The following CASS4 variants were observed in gnomAD, a reference collection of about 807,000 sequenced individuals.
CASS4 encodes cas scaffolding protein family member 4.
In CASS4, 22 loss-of-function variants were observed where a neutral mutation model predicts 54.2. The observed-to-expected ratio is 0.41, with a 90% confidence interval of 0.29 to 0.58. The LOEUF (loss-of-function observed/expected upper bound fraction) is 0.58, where lower values mean the gene tolerates loss of function less well. Among genes scored for constraint, CASS4 ranks in the 20% least tolerant of loss-of-function variants. CASS4 has a pLI of 0.36. For missense variants in CASS4, 854 were observed against 986.7 expected (o/e 0.87, Z 1.80); for synonymous variants, 409 against 391.5 (o/e 1.04, Z -0.53).
In CASS4 at chr20:56,459,001, G is replaced by C. The variant is rs1458836884; in HGVS notation, c.*254G>C. 2.5e-5 allele frequency: 11 copies of C among 444,574 alleles called. No individual in the cohort carries two copies. The highest frequency in any genetic ancestry group is 4.0e-5 in the Non-Finnish European group (10 of 249,600). The allele number at this position is 444,574 out of a possible 1,614,324, so 27.5% of individuals were successfully genotyped here. A position where few individuals can be genotyped will look rare whatever the true frequency, so the allele number is the denominator to read the frequency against. ...AGCATATATGGAGTATGCAGTATCA[G>C]CTTGAAGTGACTTCGCAGAAATAAT... On this transcript the variant is annotated 3_prime_UTR_variant, in exon 6 of 6. Coordinates refer to ENST00000679887, the MANE Select transcript of CASS4 (RefSeq NM_020356.4).
chr20:56,412,535 G>A lies in CASS4; in HGVS notation c.36+41G>A, dbSNP rs1228059457. ...CTGTTTGAATGGGCTCTGGCGGGGA[G>A]CAAGCTGTGATGATTAAGGGTGTTG... On this transcript the variant is annotated intron_variant, in intron 1 of 5. Coordinates refer to ENST00000679887, the MANE Select transcript of CASS4 (RefSeq NM_020356.4). This position sits in a 1 kb window ranked among gnomAD's most constrained non-coding sequence, Gnocchi z 4.2. 2 of 1,600,326 alleles carry A rather than the reference G, an allele frequency of 1.2e-6. No individual in the cohort carries two copies. Among genetic ancestry groups the A allele is most frequent in the East Asian group, 2.3e-5 (1 of 44,362 alleles).
intron 1 of CASS4, among the ~76,000 whole-genome samples, chr20:56,420,630 A>T (rs555590792): frequency 3.3e-5 from 5 of 151,568 alleles, no homozygotes; most frequent in Non-Finnish European, 7.4e-5. Flanking sequence ...CCTGACCTCA[A>T]GCAGTCCTCC....
At chr20:56,418,888 A>G (rs951415668) in intron 1 of CASS4, among the ~76,000 whole-genome samples, 1 of 152,164 alleles carries the variant, frequency 6.6e-6, no homozygotes, top group Non-Finnish European at 1.5e-5. Context: ...CCCTTTCTCC[A>G]TATGTAGTAA....
Position 56,431,640 on chromosome 20 carries a change from A to G in CASS4, c.37-5524A>G, listed in dbSNP as rs541990630. On this transcript the variant is annotated intron_variant, in intron 1 of 5. Coordinates refer to ENST00000679887, the MANE Select transcript of CASS4 (RefSeq NM_020356.4). ...CTGTGAGTGCCCAGTGGGGTGGATG[A>G]TCATAAAAACCCCATTGTTCTCTGG... is the stretch of plus-strand genomic sequence containing the variant. Among the ~76,000 whole-genome samples the G allele has an allele frequency of 9.8e-5, 15 of 152,324 alleles. No individual in the cohort carries two copies. The East Asian group carries it at 2.9e-3, about 29-fold the overall frequency.
At chr20:56,455,600 T>C (rs1485112492) in intron 5 of CASS4, among the ~76,000 whole-genome samples, 1 of 152,214 alleles carries the variant, frequency 6.6e-6, no homozygotes, top group Non-Finnish European at 1.5e-5. Flanking sequence ...GTTCTCACAT[T>C]TGAGTGTATC....
chr20:56,452,125 C>G lies in CASS4; in HGVS notation c.949C>G (p.Pro317Ala), dbSNP rs1447994663. 1.1e-5 allele frequency: 17 copies of G among 1,614,134 alleles called. No homozygotes were observed. Among genetic ancestry groups the G allele is most frequent in the Non-Finnish European group, 1.4e-5 (17 of 1,180,024 alleles). ...PEIPSYGFLV[P>A]RGTFPLDEDV... ...AATTCCTTCTTATGGCTTTCTTGTA[C>G]CCAGAGGCACATTTCCTTTGGATGA... Residue 317 changes from proline to alanine, a missense_variant, in exon 5 of 6, where the codon CCC becomes GCC. Coordinates refer to ENST00000679887, the MANE Select transcript of CASS4 (RefSeq NM_020356.4).
chr20:56,423,388 G>A (rs1056207437), intron 1 of CASS4, among the ~76,000 whole-genome samples: 2 of 152,096 alleles, frequency 1.3e-5, no homozygotes, highest in African/African-American at 2.4e-5. Flanking sequence ...TAAGGAAGTA[G>A]GTAATGATGG....
At chr20:56,447,582 C>A (rs528095779) in intron 3 of CASS4, among the ~76,000 whole-genome samples, 10 of 152,228 alleles carry the variant, frequency 6.6e-5, no homozygotes, top group African/African-American at 1.7e-4. Context: ...AAGTGCCCCC[C>A]ACCTCCTACC....
At chr20:56,434,856 C>T (rs1308415480) in intron 1 of CASS4, among the ~76,000 whole-genome samples, 1 of 152,114 alleles carries the variant, frequency 6.6e-6, no homozygotes, top group Non-Finnish European at 1.5e-5. Flanking sequence ...ATGTGAACAA[C>T]TATGCAAAAG....
At chr20:56,442,058 G>A (rs993317644) in intron 2 of CASS4, among the ~76,000 whole-genome samples, 1 of 151,944 alleles carries the variant, frequency 6.6e-6, no homozygotes, top group Non-Finnish European at 1.5e-5. Context: ...GCAACTCTGA[G>A]CCACGGGTTT....
intron 1 of CASS4, among the ~76,000 whole-genome samples, chr20:56,421,135 G>A (rs2426626): frequency 3.3e-5 from 5 of 152,176 alleles, no homozygotes; most frequent in Non-Finnish European, 7.3e-5. Flanking sequence ...GAATTCTTCC[G>A]GGTCAATCAA....
Position 56,437,352 on chromosome 20 carries a change from T to G in CASS4, c.225T>G (p.Ala75=). ...ANRLQILTEV[A]ADRPCPPFLR... ...GCCTCCAAATCCTCACGGAGGTCGCTGCAGACAGGCCGTGCCCCCCATTCC... is the reference window on the plus strand; with the variant it reads ...GCCTCCAAATCCTCACGGAGGTCGCGGCAGACAGGCCGTGCCCCCCATTCC... Residue 75 remains alanine (A), a synonymous_variant, in exon 2 of 6, where the codon GCT becomes GCG. Transcript: ENST00000679887. The surrounding 1 kb of genome is among the most constrained non-coding windows in gnomAD (Gnocchi z 4.7). 6.2e-7 allele frequency: 1 copy of G among 1,614,008 alleles called. No homozygotes were observed. Among genetic ancestry groups the G allele is most frequent in the East Asian group, 2.2e-5 (1 of 44,884 alleles).
Position 56,459,485 on chromosome 20 carries a change from AT to A in CASS4, c.*740del. 2 of 272,472 alleles carry A rather than the reference AT, an allele frequency of 7.3e-6. No individual in the cohort carries two copies. Among genetic ancestry groups the A allele is most frequent in the South Asian group, 9.9e-5 (2 of 20,204 alleles). 16.9% of individuals were successfully genotyped at this position (272,472 alleles called of 1,614,324 possible). On this transcript the variant is annotated 3_prime_UTR_variant, in exon 6 of 6. Transcript: ENST00000679887. ...TCCTTTTGGAGTTGTACCTGATTTT[AT>A]TACCAGTTTTCATCTGAATCCACTG...
chr20:56,455,787 TGGGCATGATAGC>T (rs1279413934), intron 5 of CASS4, among the ~76,000 whole-genome samples: 1 of 151,846 alleles, frequency 6.6e-6, no homozygotes, highest in African/African-American at 2.4e-5. Flanking sequence ...AAAAATTAGC[TGGGCATGATAGC>T]GGGCACCTGT....
upstream of CASS4, chr20:56,412,163 A>C: frequency 2.3e-6 from 1 of 430,252 alleles, no homozygotes; most frequent in South Asian, 2.5e-5. The surrounding 1 kb of genome is among the most constrained non-coding windows in gnomAD (Gnocchi z 4.2). Context: ...TCACATAGCA[A>C]ATGAGTGACA....
chr20:56,418,879 C>T (rs1281777388), intron 1 of CASS4, among the ~76,000 whole-genome samples: 2 of 152,258 alleles, frequency 1.3e-5, no homozygotes, highest in East Asian at 1.9e-4. Context: ...TGCCTGGTCC[C>T]CTTTCTCCAT....
intron 1 of CASS4, among the ~76,000 whole-genome samples, chr20:56,421,651 G>A (rs1319353713): frequency 3.3e-5 from 5 of 152,222 alleles, no homozygotes; most frequent in South Asian, 2.1e-4. Context: ...AGCTGTGATC[G>A]CGTCACTGCA....
At chr20:56,424,097 T>G (rs1979530076) in intron 1 of CASS4, among the ~76,000 whole-genome samples, 1 of 152,232 alleles carries the variant, frequency 6.6e-6, no homozygotes, top group African/African-American at 2.4e-5. Flanking sequence ...TAAGTTTTTT[T>G]TAAACAGCTC....
intron 2 of CASS4, among the ~76,000 whole-genome samples, chr20:56,441,818 A>C (rs1980473081): frequency 6.6e-6 from 1 of 152,064 alleles, no homozygotes; most frequent in African/African-American, 2.4e-5. Flanking sequence ...ATCTTTTCTA[A>C]AGTCACCTTC....
Sources: allele counts gnomAD v4.1 joint callset (sites outside exome capture counted in the v4.1 genomes callset), GRCh38; gene constraint gnomAD v4.1.1; non-coding constraint Gnocchi (gnomAD v3.1); transcripts MANE v1.5; gene names NCBI Gene and HGNC (gene_info 2026-07-23, HGNC 2026-07-21).